GPC5: variants seen among roughly 807,000 people sequenced by gnomAD.
GPC5 encodes glypican 5.
In GPC5, 47 loss-of-function variants were observed where a neutral mutation model predicts 53.9. The ratio of observed to expected loss-of-function variants is 0.87; its 90% CI spans 0.69 to 1.11. GPC5 has a LOEUF of 1.11. GPC5 is among the 50% of genes most tolerant of loss of function. The pLI is 0.00. For missense variants in GPC5, 748 were observed against 713.1 expected (o/e 1.05, Z -0.56); for synonymous variants, 286 against 263.3 (o/e 1.09, Z -0.84).
At chr13:92,754,061 G>A (rs1874729058) in intron 7 of GPC5, among the ~76,000 whole-genome samples, 2 of 152,176 alleles carry the variant, frequency 1.3e-5, no homozygotes, top group Non-Finnish European at 2.9e-5. Context: ...AGGAAAAAAT[G>A]TTAAAGGCAG....
intron 7 of GPC5, among the ~76,000 whole-genome samples, chr13:92,539,259 A>G (rs2138999846): frequency 1.3e-5 from 2 of 151,900 alleles, no homozygotes; most frequent in East Asian, 3.9e-4. Context: ...GTCTTCCACA[A>G]TGGTTGAGCT....
At chr13:92,108,588 A>G (rs2041528168) in intron 6 of GPC5, among the ~76,000 whole-genome samples, 2 of 152,120 alleles carry the variant, frequency 1.3e-5, no homozygotes. Flanking sequence ...AAATCACCAC[A>G]AAATAATTTT....
intron 7 of GPC5, among the ~76,000 whole-genome samples, chr13:92,294,826 C>CTTTT (rs147963724): frequency 1.0e-5 from 1 of 99,000 alleles, no homozygotes; most frequent in Non-Finnish European, 1.9e-5. Flanking sequence ...TTTTTTTTTT[C>CTTTT]TTTTTTTTTT....
chr13:92,168,899 A>T (rs894136084), intron 7 of GPC5, among the ~76,000 whole-genome samples: 3 of 152,232 alleles, frequency 2.0e-5, no homozygotes, highest in Admixed American at 6.5e-5. Flanking sequence ...TCATTGCAGC[A>T]CTATTCACAA....
intron 7 of GPC5, among the ~76,000 whole-genome samples, chr13:92,621,920 A>G (rs1381084963): frequency 6.6e-6 from 1 of 152,118 alleles, no homozygotes; most frequent in Non-Finnish European, 1.5e-5. Flanking sequence ...CATATTACTC[A>G]ACTACAACAA....
Position 92,735,008 on chromosome 13 carries a change from G to A in GPC5, c.1562-131274G>A, listed in dbSNP as rs76816488. On this transcript the variant is annotated intron_variant, in intron 7 of 7. Transcript: ENST00000377067. The stretch of plus-strand genomic sequence containing the variant: ...ATATACAAAGGGCACGTAAAACATA[G>A]CAGAATTTTATCTAAGTTTCTGTGC... Among the ~76,000 whole-genome samples, 945 of 151,876 alleles carry A rather than the reference G, an allele frequency of 6.2e-3. 7 individuals carry two copies. The highest frequency in any genetic ancestry group is 0.021 in the African/African-American group (885 of 41,496).
chr13:92,650,167 T>C (rs545879714), intron 7 of GPC5, among the ~76,000 whole-genome samples: 15 of 152,144 alleles, frequency 9.9e-5, no homozygotes, highest in Non-Finnish European at 7.4e-5. Context: ...TTCTTCAGTG[T>C]TATTGTTTGT....
intron 7 of GPC5, among the ~76,000 whole-genome samples, chr13:92,177,554 G>T (rs1039159145): frequency 1.3e-5 from 2 of 151,932 alleles, no homozygotes; most frequent in African/African-American, 4.8e-5. Context: ...TAACAGAATA[G>T]CCACTAGTAT....
At chr13:91,614,458 A>C (rs2033642134) in intron 2 of GPC5, among the ~76,000 whole-genome samples, 1 of 152,022 alleles carries the variant, frequency 6.6e-6, no homozygotes, top group Admixed American at 6.6e-5. Context: ...CAGCCTCCCA[A>C]GTAGCTGGAA....
At chr13:92,364,067 T>C (rs1226423642) in intron 7 of GPC5, among the ~76,000 whole-genome samples, 4 of 151,674 alleles carry the variant, frequency 2.6e-5, no homozygotes, top group Non-Finnish European at 5.9e-5. Flanking sequence ...AATTGGTAAA[T>C]TGAAAATCAA....
At chr13:92,003,233 A>G (rs960851520) in intron 6 of GPC5, among the ~76,000 whole-genome samples, 1 of 151,762 alleles carries the variant, frequency 6.6e-6, no homozygotes, top group African/African-American at 2.4e-5. Flanking sequence ...AGGCAGGAGA[A>G]TAGCTTGAAT....
At position 92,492,356 on chromosome 13, in the gene GPC5, G is replaced by C. The variant is rs536198083; in HGVS notation, c.1561+347367G>C. On this transcript the variant is annotated intron_variant, in intron 7 of 7. Coordinates refer to ENST00000377067, the MANE Select transcript of GPC5 (RefSeq NM_004466.6). ...ACAGTGCCTGTTGTGGGGTGGGAGA[G>C]GGGGGAGGGATAGCAATAGGAGATA... 1.3e-4 allele frequency among the ~76,000 whole-genome samples: 19 copies of C among 151,800 alleles called. No homozygotes were observed. In the East Asian group the frequency reaches 3.3e-3, roughly 26 times the overall value.
chr13:91,590,273 T>A (rs1009726769), intron 2 of GPC5, among the ~76,000 whole-genome samples: 1 of 151,962 alleles, frequency 6.6e-6, no homozygotes, highest in African/African-American at 2.4e-5. Context: ...GAATATTTGA[T>A]TAAGCTTGCC....
intron 6 of GPC5, among the ~76,000 whole-genome samples, chr13:92,060,401 C>T (rs909962911): frequency 2.0e-5 from 3 of 151,942 alleles, no homozygotes; most frequent in Non-Finnish European, 4.4e-5. Context: ...ATATACAGTA[C>T]AAAAATGAAG....
chr13:91,548,260 T>C (rs1203913215), intron 2 of GPC5, among the ~76,000 whole-genome samples: 1 of 152,176 alleles, frequency 6.6e-6, no homozygotes, highest in Non-Finnish European at 1.5e-5. Flanking sequence ...TAATCAATTA[T>C]GGCAAGGATG....
chr13:92,154,115 G>C (rs909290807), intron 7 of GPC5, among the ~76,000 whole-genome samples: 1 of 152,140 alleles, frequency 6.6e-6, no homozygotes, highest in Non-Finnish European at 1.5e-5. Context: ...GGAGACAAAG[G>C]GAGTGCCAGT....
chr13:91,786,826 A>G (rs2037886957), intron 5 of GPC5, among the ~76,000 whole-genome samples: 1 of 152,082 alleles, frequency 6.6e-6, no homozygotes, highest in African/African-American at 2.4e-5. Flanking sequence ...TGTATCTTTC[A>G]ATCTATAAAT....
chr13:91,556,555 G>GTGTA (rs2030963400), intron 2 of GPC5, among the ~76,000 whole-genome samples: 1 of 146,646 alleles, frequency 6.8e-6, no homozygotes, highest in Non-Finnish European at 1.5e-5. Context: ...GTGTGTGTGT[G>GTGTA]TATATATATA....
intron 7 of GPC5, among the ~76,000 whole-genome samples, chr13:92,819,965 T>A (rs954903669): frequency 1.1e-4 from 16 of 152,120 alleles, no homozygotes; most frequent in African/African-American, 3.9e-4. Flanking sequence ...TTTCCTAATC[T>A]CCATTACATG....
Sources: gnomAD v4.1 joint callset for allele counts (sites outside exome capture counted in the v4.1 genomes callset) on GRCh38, gnomAD v4.1.1 for gene constraint, MANE v1.5 for transcripts, NCBI Gene and HGNC (gene_info 2026-07-23, HGNC 2026-07-21) for gene names.